Variants in CNTN4 observed in about 807,000 individuals in gnomAD.
CNTN4 encodes the protein contactin 4, also known as contactin-4.
CNTN4 carries 77 observed loss-of-function variants against 122.5 expected under a neutral mutation model. The observed-to-expected ratio is 0.63, with a 90% CI of 0.52 to 0.76. The LOEUF is 0.76. Among genes scored for constraint, CNTN4 ranks in the 30% least tolerant of loss-of-function variants. The pLI is 0.00. For synonymous variants in CNTN4, 512 were observed against 447.0 expected (o/e 1.15, Z -1.83); for missense variants, 1,256 against 1,259.1 (o/e 1.00, Z 0.04).
chr3:2,427,451 T>G (rs2151165386), intron 3 of CNTN4, among the ~76,000 whole-genome samples: 1 of 152,316 alleles, frequency 6.6e-6, no homozygotes, highest in African/African-American at 2.4e-5. Flanking sequence ...TTGTTATACT[T>G]CCTGTTCTTT....
intron 4 of CNTN4, among the ~76,000 whole-genome samples, chr3:2,639,634 G>C (rs559481021): frequency 6.6e-6 from 1 of 152,134 alleles, no homozygotes; most frequent in African/African-American, 2.4e-5. Flanking sequence ...ATAGTGCCTG[G>C]CACACAGCAG....
At chr3:2,159,965 T>C (rs2035888025) in intron 2 of CNTN4, among the ~76,000 whole-genome samples, 1 of 152,124 alleles carries the variant, frequency 6.6e-6, no homozygotes, top group Admixed American at 6.5e-5. Flanking sequence ...GTTATTGGAC[T>C]CCAAAACTCA....
At chr3:2,965,642 T>A (rs1487203777) in intron 13 of CNTN4, among the ~76,000 whole-genome samples, 1 of 152,216 alleles carries the variant, frequency 6.6e-6, no homozygotes, top group Non-Finnish European at 1.5e-5. Flanking sequence ...ACCAGCATGA[T>A]CTTTCCAAAA....
chr3:2,358,523 G>C (rs1485006899), intron 3 of CNTN4, among the ~76,000 whole-genome samples: 2 of 151,732 alleles, frequency 1.3e-5, no homozygotes, highest in East Asian at 1.9e-4. Context: ...AATCAAAACT[G>C]AACGATTAAT....
chr3:2,852,157 T>C (rs866571919), intron 7 of CNTN4, among the ~76,000 whole-genome samples: 4 of 152,348 alleles, frequency 2.6e-5, no homozygotes, highest in South Asian at 2.1e-4. Context: ...ATAAGCATGC[T>C]AACACTGTAT....
chr3:2,199,988 A>G (rs2038022240), intron 2 of CNTN4, among the ~76,000 whole-genome samples: 1 of 152,224 alleles, frequency 6.6e-6, no homozygotes, highest in Non-Finnish European at 1.5e-5. Context: ...GAAATAAAAA[A>G]GATGAGTGGT....
At chr3:2,738,249 A>G (rs1162822484) in intron 5 of CNTN4, among the ~76,000 whole-genome samples, 1 of 152,188 alleles carries the variant, frequency 6.6e-6, no homozygotes, top group African/African-American at 2.4e-5. Flanking sequence ...AAAGTAACCA[A>G]ACTTGTAATA....
intron 11 of CNTN4, among the ~76,000 whole-genome samples, chr3:2,902,672 T>A (rs1323581277): frequency 2.6e-5 from 4 of 152,240 alleles, no homozygotes; most frequent in African/African-American, 9.6e-5. Flanking sequence ...AAATTCCATT[T>A]ACCAACTGAT....
At chr3:2,715,872 C>T (rs2087464872) in intron 4 of CNTN4, among the ~76,000 whole-genome samples, 1 of 152,206 alleles carries the variant, frequency 6.6e-6, no homozygotes, top group African/African-American at 2.4e-5. Flanking sequence ...TATAGGCATA[C>T]TGGGGGTCAG....
At chr3:2,287,655 GA>G (rs1559415316) in intron 2 of CNTN4, among the ~76,000 whole-genome samples, 1,831 of 27,118 alleles carry the variant, frequency 0.068, 39 homozygotes, top group African/African-American at 0.16. Context: ...AGAAGAAGAA[GA>G]AGAAGAAGAA....
At chr3:2,428,682 C>G (rs899537444) in intron 3 of CNTN4, among the ~76,000 whole-genome samples, 9 of 152,176 alleles carry the variant, frequency 5.9e-5, no homozygotes, top group South Asian at 4.1e-4. Flanking sequence ...CAACTTGGTT[C>G]CATTCTCCCC....
chr3:2,883,318 T>C (rs2093933867), intron 9 of CNTN4, 71 bp downstream of exon 9: 1 of 1,089,516 alleles, frequency 9.2e-7, no homozygotes, highest in East Asian at 2.6e-5. Flanking sequence ...TCTTGCACTG[T>C]TCACAGCGAT....
At chr3:2,421,251 C>CTT (rs34208393) in intron 3 of CNTN4, among the ~76,000 whole-genome samples, 2,000 of 136,766 alleles carry the variant, frequency 0.015, 49 homozygotes, top group African/African-American at 0.047. Flanking sequence ...CAGGGGGTTT[C>CTT]TTTTTTTTTT....
At chr3:2,884,109 T>A (rs2093942664) in intron 9 of CNTN4, among the ~76,000 whole-genome samples, 1 of 152,116 alleles carries the variant, frequency 6.6e-6, no homozygotes, top group African/African-American at 2.4e-5. Flanking sequence ...TTTTTTTTTT[T>A]TTATTTTTCG....
chr3:2,161,331 A>C (rs2035959093), intron 2 of CNTN4, among the ~76,000 whole-genome samples: 1 of 152,150 alleles, frequency 6.6e-6, no homozygotes, highest in Non-Finnish European at 1.5e-5. Context: ...AAGGTTATAC[A>C]CAGAAAAATA....
At chr3:2,556,020 C>A (rs542697877) in intron 3 of CNTN4, among the ~76,000 whole-genome samples, 5 of 152,218 alleles carry the variant, frequency 3.3e-5, no homozygotes, top group African/African-American at 1.2e-4. Context: ...CCAAGAGCTA[C>A]GTAATGTTTT....
At chr3:2,481,866 C>T (rs2076016318) in intron 3 of CNTN4, among the ~76,000 whole-genome samples, 1 of 152,124 alleles carries the variant, frequency 6.6e-6, no homozygotes, top group Non-Finnish European at 1.5e-5. Context: ...AGAGGGGCCT[C>T]CATGCCTCAT....
At chr3:2,699,948 A>G (rs1380554570) in intron 4 of CNTN4, among the ~76,000 whole-genome samples, 2 of 152,086 alleles carry the variant, frequency 1.3e-5, no homozygotes, top group Non-Finnish European at 2.9e-5. Flanking sequence ...GATGAAGGAG[A>G]TGATGTCTCC....
At chr3:2,239,241 C>G (rs1191411110) in intron 2 of CNTN4, among the ~76,000 whole-genome samples, 1 of 151,930 alleles carries the variant, frequency 6.6e-6, no homozygotes, top group Non-Finnish European at 1.5e-5. Flanking sequence ...ACGCAGTTGC[C>G]GATAATCCTG....
Sources: allele counts gnomAD v4.1 joint callset (sites outside exome capture counted in the v4.1 genomes callset), GRCh38; gene constraint gnomAD v4.1.1; transcripts MANE v1.5; gene names NCBI Gene and HGNC (gene_info 2026-07-23, HGNC 2026-07-21).